ZHX1: variants seen among roughly 807,000 people sequenced by gnomAD.
ZHX1 encodes the protein zinc fingers and homeoboxes protein 1.
Under a neutral mutation model 61.8 loss-of-function variants are expected in ZHX1, and 20 were observed. The observed-to-expected ratio is 0.32, with a 90% CI of 0.23 to 0.47. The LOEUF is 0.47. ZHX1 is among the 20% of genes least tolerant of loss of function. The pLI is 1.00. For missense variants in ZHX1, 800 were observed against 1,034.8 expected (o/e 0.77, Z 3.11); for synonymous variants, 318 against 352.6 (o/e 0.90, Z 1.10).
At chr8:123,259,641 AG>A (rs1481451687) in intron 2 of ZHX1, among the ~76,000 whole-genome samples, 2 of 152,248 alleles carry the variant, frequency 1.3e-5, no homozygotes, top group Admixed American at 1.3e-4. Flanking sequence ...TGAACAGTAA[AG>A]GGAATTGTTG....
intron 2 of ZHX1, among the ~76,000 whole-genome samples, chr8:123,258,272 C>T (rs1417634750): frequency 6.6e-6 from 1 of 152,206 alleles, no homozygotes; most frequent in East Asian, 1.9e-4. Context: ...GCCATGTGAT[C>T]TCTGCCCACA....
intron 2 of ZHX1, among the ~76,000 whole-genome samples, chr8:123,259,232 C>T (rs1283543603): frequency 6.6e-6 from 1 of 152,186 alleles, no homozygotes; most frequent in African/African-American, 2.4e-5. Context: ...TATTAATAAT[C>T]CAGATCCCTA....
chr8:123,259,011 C>A (rs1181599925), intron 2 of ZHX1, among the ~76,000 whole-genome samples: 2 of 152,152 alleles, frequency 1.3e-5, no homozygotes, highest in Admixed American at 1.3e-4. Flanking sequence ...GACAATACAT[C>A]TAGTCAGTAA....
At chr8:123,257,338 T>C (rs926647735) in intron 2 of ZHX1, 1 of 152,260 alleles carries the variant, frequency 6.6e-6, no homozygotes, top group Non-Finnish European at 1.5e-5. Context: ...TCAAACTCCT[T>C]GTGGGACATA....
At chr8:123,265,927 T>C (rs1166858437) in intron 2 of ZHX1, among the ~76,000 whole-genome samples, 2 of 152,226 alleles carry the variant, frequency 1.3e-5, no homozygotes, top group African/African-American at 4.8e-5. Flanking sequence ...TTTTTTTCCA[T>C]CTGAGAAAGC....
intron 3 of ZHX1, chr8:123,253,079 T>TA (rs1197795989): frequency 1.1e-4 from 42 of 370,502 alleles, no homozygotes; most frequent in Middle Eastern, 1.4e-3. Context: ...CAAAACAAAG[T>TA]AAAAAAAACC....
intron 1 of ZHX1, 117 bp from the exon 2 acceptor site, chr8:123,267,503 T>C (rs1826495136): frequency 2.5e-6 from 1 of 396,222 alleles, no homozygotes; most frequent in Non-Finnish European, 4.5e-6. Context: ...AAAAAGTTTA[T>C]TCCCTCATCA....
intron 1 of ZHX1, among the ~76,000 whole-genome samples, chr8:123,272,899 T>C (rs1826703978): frequency 6.6e-6 from 1 of 152,214 alleles, no homozygotes; most frequent in African/African-American, 2.4e-5. Flanking sequence ...TTAAGTTACA[T>C]GGAATCCCAA....
intron 3 of ZHX1, among the ~76,000 whole-genome samples, chr8:123,252,028 C>T (rs903706201): frequency 2.6e-5 from 4 of 152,006 alleles, no homozygotes; most frequent in Admixed American, 1.3e-4. Context: ...AAAAACTGCA[C>T]AGAATAACAG....
At position 123,255,032 on chromosome 8, in the gene ZHX1, C is replaced by G; in HGVS notation, c.915G>C (p.Lys305Asn). 6.2e-7 allele frequency: 1 copy of G among 1,614,068 alleles called. No homozygotes were observed. The highest frequency in any genetic ancestry group is 8.5e-7 in the Non-Finnish European group (1 of 1,180,006). Residue 305 changes from lysine (K) to asparagine (N), a missense_variant, in exon 3 of 4, where the codon AAG becomes AAC. Transcript: ENST00000395571. ...NNPLLLNTYN[K>N]FPYPTMSEIT... ...TTTCTGACATTGTTGGGTAAGGGAA[C>G]TTGTTGTAGGTGTTAAGTAAAAGGG...
In ZHX1 at chr8:123,255,996, TA is replaced by T; in HGVS notation, c.-51del. ...GTGGTGATTAAAAAGCATCGAGGCTTAAAACTGTTCAGTGTTCTTCATTTGA... is the reference window on the plus strand; with the variant it reads ...GTGGTGATTAAAAAGCATCGAGGCTTAAACTGTTCAGTGTTCTTCATTTGA... On this transcript the variant is annotated 5_prime_UTR_variant, in exon 3 of 4. An upstream open reading frame in the 5' UTR loses its in-frame stop. Coordinates refer to ENST00000395571, the MANE Select transcript of ZHX1 (RefSeq NM_007222.5). The T allele has an allele frequency of 6.6e-7, 1 of 1,511,866 alleles. No individual in the cohort carries two copies. Among genetic ancestry groups the T allele is most frequent in the Non-Finnish European group, 8.9e-7 (1 of 1,123,120 alleles). The allele number at this position is 1,511,866 out of a possible 1,614,324, so 93.7% of individuals were successfully genotyped here. A position where few individuals can be genotyped will look rare whatever the true frequency, so the allele number is the denominator to read the frequency against.
chr8:123,254,296 T>G lies in ZHX1; in HGVS notation c.1651A>C (p.Thr551Pro), dbSNP rs773316677. 1.9e-6 allele frequency: 3 copies of G among 1,614,126 alleles called. No individual in the cohort carries two copies. The highest frequency in any genetic ancestry group is 2.5e-6 in the Non-Finnish European group (3 of 1,180,006). The change falls in exon 3 of 4, where the codon ACT (threonine) becomes CCT (proline). Residue 551 changes from threonine (T) to proline (P), a missense_variant. By Grantham distance (38) the Thr-to-Pro change is conservative. Transcript: ENST00000395571. This position sits in a 1 kb window ranked among gnomAD's most constrained non-coding sequence, Gnocchi z 4.1. ...TGCTTAGGCTGTGCAGTACCAACAG[T>G]TGGGGATTCCGTGGTTTCATCACTG... ...DSSDETTESPTVGTAQPKQSW... is the reference protein window; with the variant it reads ...DSSDETTESPPVGTAQPKQSW...
At chr8:123,270,168 T>G (rs1369435004) in intron 1 of ZHX1, among the ~76,000 whole-genome samples, 1 of 145,250 alleles carries the variant, frequency 6.9e-6, no homozygotes, top group African/African-American at 2.9e-5. Context: ...AACTTCTTTT[T>G]AAGAATATTG....
At chr8:123,273,173 T>C (rs1031030647) in intron 1 of ZHX1, among the ~76,000 whole-genome samples, 43 of 152,188 alleles carry the variant, frequency 2.8e-4, no homozygotes, top group Admixed American at 1.8e-3. Context: ...ATGGAATCTT[T>C]TCCTTCTCAG....
At chr8:123,274,647 G>A (rs1376047582), upstream of ZHX1, among the ~76,000 whole-genome samples, 1 of 151,392 alleles carries the variant, frequency 6.6e-6, no homozygotes, top group Non-Finnish European at 1.5e-5. Flanking sequence ...CCCAGACTGC[G>A]GAAGCTCCGC....
At chr8:123,260,762 ACCCCAGCAC>A (rs1826224530) in intron 2 of ZHX1, among the ~76,000 whole-genome samples, 1 of 151,814 alleles carries the variant, frequency 6.6e-6, no homozygotes, top group Non-Finnish European at 1.5e-5. Context: ...CATGCCTGTA[ACCCCAGCAC>A]TTTGGGAAGC....
At position 123,249,504 on chromosome 8, in the gene ZHX1, G is replaced by A. The variant is rs548170739; in HGVS notation, c.*820C>T. The stretch of plus-strand genomic sequence containing the variant: ...AAAACACTAAGTATACATTTACTAC[G>A]TGATTCTTTTTCACATTTTTGGTGC... On this transcript the variant is annotated 3_prime_UTR_variant, in exon 4 of 4. Transcript: ENST00000395571. 8.5e-5 allele frequency: 13 copies of A among 152,182 alleles called. No homozygotes were observed. Among genetic ancestry groups the A allele is most frequent in the Admixed American group, 7.9e-4 (12 of 15,282 alleles). 9.4% of individuals were successfully genotyped at this position (152,182 alleles called of 1,614,324 possible).
chr8:123,263,492 C>T (rs753221277), intron 2 of ZHX1, among the ~76,000 whole-genome samples: 18 of 152,000 alleles, frequency 1.2e-4, no homozygotes, highest in Non-Finnish European at 4.4e-5. Flanking sequence ...ACTATATTCC[C>T]AGGGCCCAAC....
At chr8:123,267,210 G>A in intron 2 of ZHX1, 63 bp downstream of exon 2, 2 of 1,432,964 alleles carry the variant, frequency 1.4e-6, no homozygotes, top group Non-Finnish European at 1.9e-6. Flanking sequence ...ATAGTATCAT[G>A]GGATCTAAAG....
Sources: allele counts gnomAD v4.1 joint callset (sites outside exome capture counted in the v4.1 genomes callset), GRCh38; gene constraint gnomAD v4.1.1; non-coding constraint Gnocchi (gnomAD v3.1); transcripts MANE v1.5; gene names NCBI Gene and HGNC (gene_info 2026-07-23, HGNC 2026-07-21).